The following APOC3 variants were observed in gnomAD, a reference collection of about 807,000 sequenced individuals.
APOC3 encodes apolipoprotein C-III.
In APOC3, 6 loss-of-function variants were observed where a neutral mutation model predicts 7.3. That is an observed-to-expected ratio of 0.82 (90% confidence interval 0.45 to 1.61). APOC3 has a LOEUF of 1.61. Among genes scored for constraint, APOC3 ranks in the 40% most tolerant of loss-of-function variants. The pLI is 0.01. For missense variants in APOC3, 123 were observed against 124.9 expected (o/e 0.98, Z 0.07); for synonymous variants, 45 against 51.2 (o/e 0.88, Z 0.52).
chr11:116,831,925 G>A lies in APOC3; in HGVS notation c.180-839G>A, dbSNP rs189264571. On this transcript the variant is annotated intron_variant, in intron 3 of 3. Coordinates refer to ENST00000227667, the MANE Select transcript of APOC3 (RefSeq NM_000040.3). ...ATCTGACAGGAGGCGGAGCTCAGGC[G>A]GTATTGCTCACTCACCCACCACTCA... Among the ~76,000 whole-genome samples, 102 of 152,272 alleles carry A rather than the reference G, an allele frequency of 6.7e-4. 1 individual carries two copies. Among genetic ancestry groups the A allele is most frequent in the Non-Finnish European group, 1.0e-4 (7 of 68,022 alleles).
chr11:116,830,531 G>T, intron 1 of APOC3, 39 bp from the exon 2 acceptor site: 2 of 1,610,518 alleles, frequency 1.2e-6, no homozygotes, highest in Non-Finnish European at 1.7e-6. Flanking sequence ...CCAGAGGCAT[G>T]GGGACCTGGG....
At chr11:116,831,062 C>A in intron 3 of APOC3, 166 bp downstream of exon 3, 2 of 835,436 alleles carry the variant, frequency 2.4e-6, no homozygotes, top group Non-Finnish European at 3.8e-6. Flanking sequence ...CAGGCTGCTG[C>A]GGGAGAGATG....
At chr11:116,830,947 C>T (rs1159357571) in intron 3 of APOC3, 51 bp downstream of exon 3, 4 of 1,586,994 alleles carry the variant, frequency 2.5e-6, no homozygotes, top group Admixed American at 1.7e-5. Context: ...GCCTCCATTC[C>T]CACCCGCCCC....
intron 2 of APOC3, 57 bp from the exon 3 acceptor site, chr11:116,830,716 G>T: frequency 6.2e-7 from 1 of 1,613,180 alleles, no homozygotes; most frequent in Non-Finnish European, 8.5e-7. Flanking sequence ...GGTCAAGCAG[G>T]AGCCCAGGGC....
chr11:116,832,686 G>T, intron 3 of APOC3, 78 bp from the exon 4 acceptor site: 1 of 1,601,598 alleles, frequency 6.2e-7, no homozygotes, highest in South Asian at 1.1e-5. Context: ...CGTCCAGTGG[G>T]GACATGGGTG....
rs778006147 is a variant in APOC3, at chr11:116,830,901, A to T, written c.179+5A>T. On this transcript the variant is annotated splice_donor_5th_base_variant and intron_variant, in intron 3 of 3. Coordinates refer to ENST00000227667, the MANE Select transcript of APOC3 (RefSeq NM_000040.3). ...CCAGGTGGCCCAGCAGGCCAGGTACACCCGCTGGCCTCCCTCCCCATCCCC... is the reference window on the plus strand; with the variant it reads ...CCAGGTGGCCCAGCAGGCCAGGTACTCCCGCTGGCCTCCCTCCCCATCCCC... The T allele has an allele frequency of 1.9e-6, 3 of 1,610,812 alleles. No individual in the cohort carries two copies. The South Asian group carries it at 3.3e-5, about 18-fold the overall frequency.
At chr11:116,830,403 G>A (rs182939465) in intron 1 of APOC3, 167 bp from the exon 2 acceptor site, 13 of 704,236 alleles carry the variant, frequency 1.8e-5, no homozygotes, top group East Asian at 8.1e-5. Flanking sequence ...TCGATCCCTC[G>A]CCCCTCACCA....
intron 3 of APOC3, among the ~76,000 whole-genome samples, chr11:116,832,055 C>T (rs550495061): frequency 6.6e-6 from 1 of 152,298 alleles, no homozygotes; most frequent in Admixed American, 6.5e-5. Flanking sequence ...GGAGGCCCCA[C>T]CTGACCCAAT....
intron 3 of APOC3, among the ~76,000 whole-genome samples, chr11:116,831,309 C>A (rs867733197): frequency 1.8e-5 from 2 of 112,558 alleles, no homozygotes; most frequent in African/African-American, 9.8e-5. Context: ...TCCTTTCTTT[C>A]TCTTTCTTTC....
In APOC3 at chr11:116,832,834, T is replaced by C. The variant is rs748953052; in HGVS notation, c.250T>C (p.Phe84Leu). 1.2e-6 allele frequency: 2 copies of C among 1,614,056 alleles called. No individual in the cohort carries two copies. The highest frequency in any genetic ancestry group is 1.7e-6 in the Non-Finnish European group (2 of 1,180,026). The change falls in exon 4 of 4, where the codon TTC becomes CTC. Residue 84 changes from phenylalanine to leucine, a missense_variant. By Grantham distance (22) the Phe-to-Leu change is conservative. Coordinates refer to ENST00000227667, the MANE Select transcript of APOC3 (RefSeq NM_000040.3). ...WSTVKDKFSE[F>L]WDLDPEVRPT... is the part of the protein sequence containing the mutation. ...CACCGTTAAGGACAAGTTCTCTGAG[T>C]TCTGGGATTTGGACCCTGAGGTCAG...
intron 3 of APOC3, among the ~76,000 whole-genome samples, chr11:116,831,862 A>G (rs1379497252): frequency 6.6e-6 from 1 of 152,184 alleles, no homozygotes; most frequent in Non-Finnish European, 1.5e-5. Flanking sequence ...GCAGTTCACA[A>G]TAGGGTTCAC....
rs745663150 is a variant in APOC3, at chr11:116,830,796, T to C, written c.79T>C (p.Ser27Pro). ...SARASEAEDA[S>P]LLSFMQGYMK... ...AGGAGCTTCAGAGGCCGAGGATGCC[T>C]CCCTTCTCAGCTTCATGCAGGGTTA... is the stretch of plus-strand genomic sequence containing the variant. The change falls in exon 3 of 4, where the codon TCC (serine) becomes CCC (proline). Residue 27 changes from serine to proline, a missense_variant. Transcript: ENST00000227667. 1 of 1,613,018 alleles carries C rather than the reference T, an allele frequency of 6.2e-7. No homozygotes were observed. Among genetic ancestry groups the C allele is most frequent in the Non-Finnish European group, 8.5e-7 (1 of 1,179,868 alleles).
At chr11:116,831,735 G>T (rs1421071949) in intron 3 of APOC3, among the ~76,000 whole-genome samples, 1 of 152,324 alleles carries the variant, frequency 6.6e-6, no homozygotes, top group Middle Eastern at 3.4e-3. Flanking sequence ...GACCAGTTTT[G>T]TGGTGGACAA....
Position 116,830,653 on chromosome 11 carries a change from G to A in APOC3, c.55+16G>A. On this transcript the variant is annotated intron_variant, in intron 2 of 3. Coordinates refer to ENST00000227667, the MANE Select transcript of APOC3 (RefSeq NM_000040.3). ...GCCTCTGCCCGTAAGCACTTGGTGG[G>A]ACTGGGCTGGGGGCAGGGTGGAGGC... 1 of 1,613,804 alleles carries A rather than the reference G, an allele frequency of 6.2e-7. No homozygotes were observed. Among genetic ancestry groups the A allele is most frequent in the Non-Finnish European group, 8.5e-7 (1 of 1,180,006 alleles).
intron 3 of APOC3, among the ~76,000 whole-genome samples, 182 bp from the exon 4 acceptor site, chr11:116,832,582 T>C (rs1218614538): frequency 6.6e-6 from 1 of 152,208 alleles, no homozygotes; most frequent in African/African-American, 2.4e-5. Context: ...AGGATATCTC[T>C]TCTCCCAGGG....
rs1258996011 is a variant in APOC3 at position 116,833,014 on chromosome 11, C to A, written c.*130C>A. 17 of 1,310,778 alleles carry A rather than the reference C, an allele frequency of 1.3e-5. No individual in the cohort carries two copies. In the South Asian group the frequency reaches 1.6e-4, roughly 12 times the overall value. 81.2% of individuals were successfully genotyped at this position (1,310,778 alleles called of 1,614,324 possible). ...CAGTGCTCTCCTACCCCACCTCATG[C>A]CTGGCCCCCCTCCAGGCATGCTGGC... On this transcript the variant is annotated 3_prime_UTR_variant, in exon 4 of 4. Coordinates refer to ENST00000227667, the MANE Select transcript of APOC3 (RefSeq NM_000040.3).
chr11:116,829,912 C>G lies in APOC3; in HGVS notation c.-42C>G, dbSNP rs1346131194. 1 of 157,242 alleles carries G rather than the reference C, an allele frequency of 6.4e-6. No individual in the cohort carries two copies. Among genetic ancestry groups the G allele is most frequent in the African/African-American group, 2.4e-5 (1 of 41,484 alleles). The allele number at this position is 157,242 out of a possible 1,614,324, so 9.7% of individuals were successfully genotyped here. A position where few individuals can be genotyped will look rare whatever the true frequency, so the allele number is the denominator to read the frequency against. On this transcript the variant is annotated 5_prime_UTR_variant, in exon 1 of 4. Transcript: ENST00000227667. ...GTCAGAACCCTCCTGCCTGTCTGCT[C>G]AGTTCATCCCTAGAGGCAGCTGCTC...
In APOC3 at chr11:116,832,936, T is replaced by C. The variant is rs763333861; in HGVS notation, c.*52T>C. 6 of 1,612,272 alleles carry C rather than the reference T, an allele frequency of 3.7e-6. No homozygotes were observed. Among genetic ancestry groups the C allele is most frequent in the East Asian group, 2.2e-5 (1 of 44,870 alleles). ...CTATCCATCCTGCGAGCTCCTTGGG[T>C]CCTGCAATCTCCAGGGCTGCCCCTG... On this transcript the variant is annotated 3_prime_UTR_variant, in exon 4 of 4. Transcript: ENST00000227667.
intron 3 of APOC3, among the ~76,000 whole-genome samples, chr11:116,831,278 TCTTTC>T (rs1416244736): frequency 7.8e-5 from 2 of 25,724 alleles, no homozygotes; most frequent in African/African-American, 2.9e-4. Context: ...TTCCTTTCTT[TCTTTC>T]CTTTCTTTCT....
Sources: allele counts gnomAD v4.1 joint callset (sites outside exome capture counted in the v4.1 genomes callset), GRCh38; gene constraint gnomAD v4.1.1; transcripts MANE v1.5; gene names NCBI Gene and HGNC (gene_info 2026-07-23, HGNC 2026-07-21).